LAMC2: variants seen among roughly 807,000 people sequenced by gnomAD.
LAMC2 encodes the protein laminin subunit gamma-2.
In LAMC2, 97 loss-of-function variants were observed where a neutral mutation model predicts 140.2. The ratio of observed to expected loss-of-function variants is 0.69; its 90% CI spans 0.59 to 0.82. The LOEUF (loss-of-function observed/expected upper bound fraction) is 0.82, where lower values mean the gene tolerates loss of function less well. Among genes scored for constraint, LAMC2 ranks in the 40% least tolerant of loss-of-function variants. The probability of loss-of-function intolerance (pLI) is 0.00; values close to 1 mark genes in which losing one functional copy is unlikely to be tolerated. For missense variants in LAMC2, 1,402 were observed against 1,476.1 expected, an observed-to-expected ratio of 0.95 and a Z score of 0.82; for synonymous variants, 513 against 540.2, an observed-to-expected ratio of 0.95 and a Z score of 0.70.
intron 4 of LAMC2, 48 bp from the exon 5 acceptor site, chr1:183,220,777 G>A (rs1433562639): frequency 1.1e-5 from 18 of 1,572,032 alleles, no homozygotes; most frequent in Non-Finnish European, 1.6e-5. Flanking sequence ...TTTTTCTATA[G>A]AATAAAAAAT....
chr1:183,231,725 A>G (rs1184475497), intron 12 of LAMC2, among the ~76,000 whole-genome samples: 2 of 152,210 alleles, frequency 1.3e-5, no homozygotes, highest in African/African-American at 2.4e-5. Context: ...AGGATTGGGG[A>G]AGACAAAGGC....
At chr1:183,208,936 C>T (rs562956204) in intron 2 of LAMC2, among the ~76,000 whole-genome samples, 1 of 151,426 alleles carries the variant, frequency 6.6e-6, no homozygotes, top group African/African-American at 2.4e-5. Flanking sequence ...GCCTCAGCCT[C>T]CCAAAGTGCT....
intron 15 of LAMC2, 58 bp downstream of exon 15, chr1:183,234,504 A>T (rs1659894089): frequency 3.0e-6 from 4 of 1,334,306 alleles, no homozygotes; most frequent in Non-Finnish European, 4.3e-6. Context: ...CCAGACTTGA[A>T]TAAGAGTGTA....
At chr1:183,239,017 A>G (rs945771494) in intron 19 of LAMC2, among the ~76,000 whole-genome samples, 10 of 152,200 alleles carry the variant, frequency 6.6e-5, no homozygotes, top group Non-Finnish European at 1.0e-4. Context: ...TACCCATTCA[A>G]ACCTAACCCC....
At chr1:183,202,391 G>A (rs1367866847) in intron 1 of LAMC2, among the ~76,000 whole-genome samples, 1 of 152,038 alleles carries the variant, frequency 6.6e-6, no homozygotes, top group Non-Finnish European at 1.5e-5. Context: ...ATTGACCAAG[G>A]ATAAAAGAAG....
the LAMC2 span, among the ~76,000 whole-genome samples, chr1:183,253,058 A>G: frequency 5.9e-3 from 902 of 152,230 alleles, 4 homozygotes; most frequent in Non-Finnish European, 0.011. Flanking sequence ...GGATTAAATG[A>G]GTCATTATGC....
intron 14 of LAMC2, among the ~76,000 whole-genome samples, chr1:183,233,699 T>A (rs1659862874): frequency 1.3e-5 from 2 of 152,158 alleles, no homozygotes; most frequent in South Asian, 4.1e-4. Context: ...GACTTTAAAT[T>A]CATATAAAAA....
chr1:183,238,321 G>A lies in LAMC2; in HGVS notation c.2769G>A (p.Leu923=). ...GKSGREKSDQ[L]LSRANLAKSR... ...CCTTTTTACAGAAATCAGATCAGCT[G>A]CTTTCCCGTGCCAATCTTGCTAAAA... Residue 923 remains leucine (L), a synonymous_variant, in exon 19 of 23, where the codon CTG becomes CTA. Coordinates refer to ENST00000264144, the MANE Select transcript of LAMC2 (RefSeq NM_005562.3). The A allele has an allele frequency of 6.2e-7, 1 of 1,613,796 alleles. No individual in the cohort carries two copies. The highest frequency in any genetic ancestry group is 2.2e-5 in the East Asian group (1 of 44,868).
the LAMC2 span, among the ~76,000 whole-genome samples, chr1:183,256,952 A>G: frequency 6.6e-6 from 1 of 151,870 alleles, no homozygotes; most frequent in African/African-American, 2.4e-5. Flanking sequence ...GGGTTTAACC[A>G]TATTAGCCAG....
chr1:183,197,199 G>C (rs1416568131), intron 1 of LAMC2, among the ~76,000 whole-genome samples: 2 of 152,120 alleles, frequency 1.3e-5, no homozygotes, highest in African/African-American at 4.8e-5. Context: ...TAGTGGAGAT[G>C]GACTTGATTG....
At position 183,186,350 on chromosome 1, in the gene LAMC2, G is replaced by T; in HGVS notation, c.-3G>T. The T allele has an allele frequency of 6.3e-7, 1 of 1,597,964 alleles. No individual in the cohort carries two copies. Among genetic ancestry groups the T allele is most frequent in the Non-Finnish European group, 8.5e-7 (1 of 1,177,592 alleles). ...GACAGAGACTGAGCGGCCCGGCCCC[G>T]CCATGCCTGCGCTCTGGCTGGGCTG... On this transcript the variant is annotated 5_prime_UTR_variant, in exon 1 of 23. Coordinates refer to ENST00000264144, the MANE Select transcript of LAMC2 (RefSeq NM_005562.3).
chr1:183,239,025 C>T (rs1660049175), intron 19 of LAMC2, among the ~76,000 whole-genome samples: 1 of 152,178 alleles, frequency 6.6e-6, no homozygotes, highest in Non-Finnish European at 1.5e-5. Context: ...CAAACCTAAC[C>T]CCAATTCTTA....
At chr1:183,207,376 C>G (rs1318271534) in intron 1 of LAMC2, among the ~76,000 whole-genome samples, 5 of 135,162 alleles carry the variant, frequency 3.7e-5, no homozygotes, top group Non-Finnish European at 8.4e-5. Flanking sequence ...CCCAGACGGT[C>G]ACGTCCACTC....
At chr1:183,226,986 AC>A in intron 9 of LAMC2, 70 bp downstream of exon 9, 2 of 1,230,458 alleles carry the variant, frequency 1.6e-6, no homozygotes, top group East Asian at 2.3e-5. Context: ...TGTAAGAAAG[AC>A]CATGGCTGAA....
chr1:183,210,330 C>T (rs1317025037), intron 2 of LAMC2, among the ~76,000 whole-genome samples: 1 of 152,170 alleles, frequency 6.6e-6, no homozygotes, highest in Non-Finnish European at 1.5e-5. Context: ...CTTGCTGCTC[C>T]AGCATCCCCA....
Position 183,228,360 on chromosome 1 carries a change from T to G in LAMC2, c.1469-14T>G. On this transcript the variant is annotated splice_polypyrimidine_tract_variant and intron_variant, in intron 10 of 22. Coordinates refer to ENST00000264144, the MANE Select transcript of LAMC2 (RefSeq NM_005562.3). The surrounding 1 kb of genome is among the most constrained non-coding windows in gnomAD (Gnocchi z 4.3). ...TGGATGTCGACCTAGGCTTGGTCAT[T>G]TGTTCCTTCCCAGGTGCCCGCTGTG... The G allele has an allele frequency of 6.2e-7, 1 of 1,614,132 alleles. No individual in the cohort carries two copies. Among genetic ancestry groups the G allele is most frequent in the Admixed American group, 1.7e-5 (1 of 60,014 alleles).
chr1:183,188,214 C>T (rs555240565), intron 1 of LAMC2, among the ~76,000 whole-genome samples: 3 of 152,250 alleles, frequency 2.0e-5, no homozygotes, highest in Admixed American at 6.5e-5. Context: ...CCTCAGAGGC[C>T]TTCATTTTTG....
downstream of LAMC2, among the ~76,000 whole-genome samples, chr1:183,247,268 C>G (rs566610395): frequency 6.6e-6 from 1 of 152,104 alleles, no homozygotes; most frequent in African/African-American, 2.4e-5. Context: ...ACCGAGATCG[C>G]GCCATTGCAC....
At chr1:183,214,284 C>G (rs965832997) in intron 2 of LAMC2, among the ~76,000 whole-genome samples, 5 of 152,098 alleles carry the variant, frequency 3.3e-5, no homozygotes, top group African/African-American at 1.2e-4. Context: ...TGAGATCATC[C>G]TAAGTCAAGT....
Sources: gnomAD v4.1 joint callset for allele counts (sites outside exome capture counted in the v4.1 genomes callset) on GRCh38, gnomAD v4.1.1 for gene constraint, Gnocchi (gnomAD v3.1) non-coding constraint, MANE v1.5 for transcripts, NCBI Gene and HGNC (gene_info 2026-07-23, HGNC 2026-07-21) for gene names.